Variants in ATRN observed in about 807,000 individuals in gnomAD.
ATRN encodes attractin, also known as attractin-2.
A neutral mutation model predicts 178.7 loss-of-function variants in ATRN; 54 were observed. That is an observed-to-expected ratio of 0.30 (90% CI 0.24 to 0.38). The LOEUF is 0.38. Ranked by LOEUF, ATRN falls within the 10% of genes least tolerant of loss-of-function variation. The pLI, the probability that ATRN is intolerant of heterozygous loss-of-function variation, is 1.00. For synonymous variants in ATRN, 636 were observed against 663.0 expected (o/e 0.96, Z 0.63); for missense variants, 1,443 against 1,815.1 (o/e 0.79, Z 3.73).
intron 7 of ATRN, 105 bp downstream of exon 7, chr20:3,559,588 A>G: frequency 1.1e-6 from 1 of 884,672 alleles, no homozygotes; most frequent in Non-Finnish European, 1.8e-6. Flanking sequence ...TTAATTGGGG[A>G]AAACTTTTTA....
intron 1 of ATRN, chr20:3,490,891 T>A: frequency 9.9e-7 from 1 of 1,007,016 alleles, no homozygotes; most frequent in Non-Finnish European, 1.6e-6. Context: ...ATGGCCTGAG[T>A]GCGGTGATCA....
chr20:3,502,987 A>G (rs552240243), intron 1 of ATRN, among the ~76,000 whole-genome samples: 23 of 152,058 alleles, frequency 1.5e-4, no homozygotes, highest in African/African-American at 5.5e-4. Context: ...TGCCTTTTTC[A>G]CTCCAGTGAT....
chr20:3,545,822 A>T lies in ATRN; in HGVS notation c.669A>T (p.Ser223=), dbSNP rs2085693043. 1 of 1,613,980 alleles carries T rather than the reference A, an allele frequency of 6.2e-7. No homozygotes were observed. The highest frequency in any genetic ancestry group is 8.5e-7 in the Non-Finnish European group (1 of 1,179,972). ...CTGTCCCTGAGGTTGTTGCCACATC[A>T]GGTTATGCCTTGCTGCATTTTTTTA... ...NETVPEVVAT[S]GYALLHFFSD... The change falls in exon 4 of 29, where the codon TCA becomes TCT. Residue 223 remains serine, a synonymous_variant. Transcript: ENST00000262919.
intron 27 of ATRN, 112 bp downstream of exon 27, chr20:3,639,047 C>A: frequency 1.4e-6 from 1 of 730,636 alleles, no homozygotes; most frequent in Non-Finnish European, 2.2e-6. Context: ...TTTTTTTCCT[C>A]TCTTTCTTTT....
intron 1 of ATRN, among the ~76,000 whole-genome samples, chr20:3,522,342 C>T (rs1404899102): frequency 6.6e-6 from 1 of 152,188 alleles, no homozygotes; most frequent in Non-Finnish European, 1.5e-5. Flanking sequence ...TTCTAAATTT[C>T]CATAGCCAGA....
At position 3,645,645 on chromosome 20, in the gene ATRN, A is replaced by C. The variant is rs561441344; in HGVS notation, c.4166-1078A>C. Among the ~76,000 whole-genome samples, 1 of 152,182 alleles carries C rather than the reference A, an allele frequency of 6.6e-6. No individual in the cohort carries two copies. Among genetic ancestry groups the C allele is most frequent in the South Asian group, 2.1e-4 (1 of 4,812 alleles). On this transcript the variant is annotated intron_variant, in intron 28 of 28. Transcript: ENST00000262919. This position sits in a 1 kb window ranked among gnomAD's most constrained non-coding sequence, Gnocchi z 4.7. ...GCTCAATGCTTGAGACCCACCCAAC[A>C]GTGGGGCCGTCCTTGCTGCCCCTTC...
At chr20:3,511,854 A>G (rs6115928) in intron 1 of ATRN, among the ~76,000 whole-genome samples, 7,772 of 152,008 alleles carry the variant, frequency 0.051, 596 homozygotes, top group African/African-American at 0.17. Context: ...TTTGTTTACT[A>G]CATGTTTAAG....
Position 3,564,737 on chromosome 20 carries a change from A to G in ATRN, c.1787-611A>G, listed in dbSNP as rs556220602. Among the ~76,000 whole-genome samples, 7 of 152,274 alleles carry G rather than the reference A, an allele frequency of 4.6e-5. No homozygotes were observed. The South Asian group carries it at 1.0e-3, about 23-fold the overall frequency. On this transcript the variant is annotated intron_variant, in intron 10 of 28. Coordinates refer to ENST00000262919, the MANE Select transcript of ATRN (RefSeq NM_139321.3). ...ATTATGAAACCCATGTTTTGCTGACATAAGCTTTGTAGAATGTAAAATTTG... is the reference window on the plus strand; with the variant it reads ...ATTATGAAACCCATGTTTTGCTGACGTAAGCTTTGTAGAATGTAAAATTTG...
At position 3,478,992 on chromosome 20, in the gene ATRN, G is replaced by C. The variant is rs183416665; in HGVS notation, c.410+7475G>C. On this transcript the variant is annotated intron_variant, in intron 1 of 28. Transcript: ENST00000262919. ...CTAGGCTGGAGGGCAGTGCTCCTGGGCTCAAGTGATCCTGCCACCTCAGCC... is the reference window on the plus strand; with the variant it reads ...CTAGGCTGGAGGGCAGTGCTCCTGGCCTCAAGTGATCCTGCCACCTCAGCC... 3.4e-3 allele frequency among the ~76,000 whole-genome samples: 505 copies of C among 150,396 alleles called. 3 individuals are homozygous for C. Among genetic ancestry groups the C allele is most frequent in the African/African-American group, 0.011 (464 of 40,760 alleles).
At chr20:3,477,665 C>T (rs2084547942) in intron 1 of ATRN, among the ~76,000 whole-genome samples, 2 of 146,910 alleles carry the variant, frequency 1.4e-5, no homozygotes, top group Non-Finnish European at 3.0e-5. Flanking sequence ...GAGCATAGTT[C>T]ACAAGTCCAG....
At chr20:3,625,937 A>G (rs1468873213) in intron 25 of ATRN, among the ~76,000 whole-genome samples, 1 of 152,046 alleles carries the variant, frequency 6.6e-6, no homozygotes, top group Non-Finnish European at 1.5e-5. Flanking sequence ...CTACAATTTG[A>G]TTGAATTTCT....
Position 3,559,434 on chromosome 20 carries a change from C to A in ATRN, c.1154C>A (p.Ser385Tyr). 1.2e-6 allele frequency: 2 copies of A among 1,613,956 alleles called. No homozygotes were observed. The highest frequency in any genetic ancestry group is 1.7e-6 in the Non-Finnish European group (2 of 1,179,882). Residue 385 changes from serine to tyrosine, a missense_variant, in exon 7 of 29, where the codon TCT becomes TAT. Ser to Tyr is a moderately radical substitution (Grantham distance 144). Coordinates refer to ENST00000262919, the MANE Select transcript of ATRN (RefSeq NM_139321.3). ...ASREWLPLNR[S>Y]VNNVVVRYGH... ...AGGGAGTGGCTTCCACTAAACCGTT[C>A]TGTGAACAATGTGGTTGTTAGATAT...
chr20:3,604,806 T>G (rs565294685), intron 24 of ATRN, among the ~76,000 whole-genome samples: 1 of 152,346 alleles, frequency 6.6e-6, no homozygotes, highest in African/African-American at 2.4e-5. Flanking sequence ...TCCAGTTCTC[T>G]GTGCATGTGA....
chr20:3,526,276 A>G (rs1277062684), intron 1 of ATRN, among the ~76,000 whole-genome samples: 1 of 152,164 alleles, frequency 6.6e-6, no homozygotes, highest in African/African-American at 2.4e-5. Flanking sequence ...CAAAAATTAC[A>G]AGCACTCCTA....
chr20:3,644,724 G>A (rs1389322793), intron 28 of ATRN, among the ~76,000 whole-genome samples: 1 of 152,206 alleles, frequency 6.6e-6, no homozygotes, highest in East Asian at 1.9e-4. Flanking sequence ...TCTTCAATTG[G>A]TATTTCTAGC....
chr20:3,506,624 C>CAAAAAAAAAAAAAAAAAA (rs1234061588), intron 1 of ATRN, among the ~76,000 whole-genome samples: 1 of 84,278 alleles, frequency 1.2e-5, no homozygotes, highest in Non-Finnish European at 2.4e-5. Context: ...GACTACATCT[C>CAAAAAAAAAAAAAAAAAA]AAAAAAAAAA....
rs1177400077 is a variant in ATRN at position 3,471,031 on chromosome 20, G to A, written c.-77G>A. The A allele has an allele frequency of 6.4e-6, 9 of 1,408,090 alleles. No homozygotes were observed. The South Asian group carries it at 7.8e-5, about 12-fold the overall frequency. The allele number at this position is 1,408,090 out of a possible 1,614,324, so 87.2% of individuals were successfully genotyped here. On this transcript the variant is annotated 5_prime_UTR_variant, in exon 1 of 29. Coordinates refer to ENST00000262919, the MANE Select transcript of ATRN (RefSeq NM_139321.3). The stretch of plus-strand genomic sequence containing the variant: ...GCCACCGTCCGCACAGCCCCGCCCC[G>A]CACGGCCAGGCGAAGCGGAGCCGGC...
At chr20:3,529,468 T>G (rs1452980028) in intron 1 of ATRN, among the ~76,000 whole-genome samples, 1 of 152,246 alleles carries the variant, frequency 6.6e-6, no homozygotes, top group East Asian at 1.9e-4. Flanking sequence ...TTGTGTATTT[T>G]CATACAAGAG....
Position 3,549,339 on chromosome 20 carries a change from G to A in ATRN, c.1112+1G>A, listed in dbSNP as rs1568723227. On this transcript the variant is annotated splice_donor_variant, in intron 6 of 28. Coordinates refer to ENST00000262919, the MANE Select transcript of ATRN (RefSeq NM_139321.3). LOFTEE classifies it high-confidence loss of function. ...ACTCAGATTATAACATGGTTCTAGC[G>A]TAAGTCGTTTTAAACATTTTTGCAA... 6.5e-7 allele frequency: 1 copy of A among 1,526,816 alleles called. No individual in the cohort carries two copies. Among genetic ancestry groups the A allele is most frequent in the Non-Finnish European group, 8.7e-7 (1 of 1,145,008 alleles). 94.6% of individuals were successfully genotyped at this position (1,526,816 alleles called of 1,614,324 possible).
Sources: gnomAD v4.1 joint callset for allele counts (sites outside exome capture counted in the v4.1 genomes callset) on GRCh38, gnomAD v4.1.1 for gene constraint, Gnocchi (gnomAD v3.1) non-coding constraint, MANE v1.5 for transcripts, NCBI Gene and HGNC (gene_info 2026-07-23, HGNC 2026-07-21) for gene names.